TPTE: variants seen among roughly 807,000 people sequenced by gnomAD.
The protein encoded by TPTE is putative tyrosine-protein phosphatase TPTE.
In TPTE, 59 loss-of-function variants were observed where a neutral mutation model predicts 84.1. The observed-to-expected ratio is 0.70, with a 90% CI of 0.57 to 0.87. The LOEUF is 0.87. Ranked by LOEUF, TPTE falls within the 40% of genes least tolerant of loss-of-function variation. The pLI is 0.00. For missense variants in TPTE, 382 were observed against 659.6 expected (o/e 0.58, Z 4.61); for synonymous variants, 130 against 223.5 (o/e 0.58, Z 3.73).
chr21:10,572,450 CAAAAAAA>C (rs58796102), intron 14 of TPTE, among the ~76,000 whole-genome samples: 3,674 of 131,842 alleles, frequency 0.028, no homozygotes, highest in African/African-American at 0.088. Context: ...AGACTGTATC[CAAAAAAA>C]AAAAAAAAAA....
intron 2 of TPTE, among the ~76,000 whole-genome samples, chr21:10,525,118 C>T (rs2074055745): frequency 6.6e-6 from 1 of 152,304 alleles, no homozygotes; most frequent in Non-Finnish European, 1.5e-5. Flanking sequence ...GAGATGGCCA[C>T]CAAAAGGGCT....
intron 17 of TPTE, among the ~76,000 whole-genome samples, chr21:10,585,792 A>G (rs2075353311): frequency 6.6e-6 from 1 of 152,296 alleles, no homozygotes; most frequent in Non-Finnish European, 1.5e-5. Flanking sequence ...TTATAATTTT[A>G]TTTCTTTTGC....
intron 20 of TPTE, 116 bp downstream of exon 20, chr21:10,596,203 C>G: frequency 7.3e-7 from 1 of 1,371,328 alleles, no homozygotes; most frequent in Non-Finnish European, 1.0e-6. Flanking sequence ...TGTCTTTTTA[C>G]ATATCCTCAC....
intron 3 of TPTE, among the ~76,000 whole-genome samples, chr21:10,537,885 A>T (rs1848997772): frequency 6.6e-6 from 1 of 152,294 alleles, no homozygotes; most frequent in Non-Finnish European, 1.5e-5. Flanking sequence ...AAAAACAAAA[A>T]ACTTTGACAC....
chr21:10,548,501 G>A (rs1173004081), intron 7 of TPTE, among the ~76,000 whole-genome samples: 11 of 152,418 alleles, frequency 7.2e-5, no homozygotes, highest in East Asian at 3.9e-4. Context: ...TAGTCCCCAG[G>A]GCTTCCCCTG....
At chr21:10,562,015 A>C (rs2074815606) in intron 10 of TPTE, among the ~76,000 whole-genome samples, 1 of 152,298 alleles carries the variant, frequency 6.6e-6, no homozygotes, top group South Asian at 2.1e-4. Flanking sequence ...ACTCAACCCC[A>C]AGCTTTAGGT....
intron 3 of TPTE, among the ~76,000 whole-genome samples, chr21:10,532,995 C>T (rs1344393422): frequency 6.6e-6 from 1 of 152,304 alleles, no homozygotes; most frequent in African/African-American, 2.4e-5. Flanking sequence ...TATATTTCTT[C>T]TTTCTTGAAT....
At chr21:10,582,856 C>T (rs1173435495) in intron 17 of TPTE, among the ~76,000 whole-genome samples, 12 of 152,290 alleles carry the variant, frequency 7.9e-5, no homozygotes, top group Non-Finnish European at 1.5e-4. Context: ...GCCTGTGCCT[C>T]CAGAGTAGCT....
At chr21:10,568,898 C>G (rs1600919390) in intron 11 of TPTE, among the ~76,000 whole-genome samples, 2 of 152,428 alleles carry the variant, frequency 1.3e-5, no homozygotes, top group Non-Finnish European at 2.9e-5. Flanking sequence ...AGGGGAGATT[C>G]CAGCTAGCAC....
chr21:10,605,601 C>A lies in TPTE; in HGVS notation c.*49C>A, dbSNP rs760943813. ...GGGAAAGAATTATGTTCTTTCCAAC[C>A]CTGCCACATGTTCATATATCCTAAA... is the stretch of plus-strand genomic sequence containing the variant. On this transcript the variant is annotated 3_prime_UTR_variant, in exon 24 of 24. Coordinates refer to ENST00000618007, the MANE Select transcript of TPTE (RefSeq NM_199261.4). 6.2e-7 allele frequency: 1 copy of A among 1,613,372 alleles called. No homozygotes were observed. The highest frequency in any genetic ancestry group is 8.5e-7 in the Non-Finnish European group (1 of 1,179,662).
chr21:10,603,209 T>C (rs1166950040), intron 22 of TPTE, among the ~76,000 whole-genome samples: 2 of 152,310 alleles, frequency 1.3e-5, no homozygotes, highest in East Asian at 1.9e-4. Flanking sequence ...ACAAAAAAAT[T>C]ACAAGAATTC....
intron 3 of TPTE, among the ~76,000 whole-genome samples, chr21:10,528,425 T>C (rs2074118896): frequency 1.3e-5 from 2 of 152,306 alleles, no homozygotes; most frequent in Admixed American, 6.5e-5. Context: ...AAATTCTTTC[T>C]AAAAAGTTGG....
intron 1 of TPTE, among the ~76,000 whole-genome samples, chr21:10,523,698 T>C: frequency 6.6e-6 from 1 of 152,306 alleles, no homozygotes; most frequent in East Asian, 1.9e-4. Context: ...AGTCTATCAT[T>C]GTTGGACATT....
intron 3 of TPTE, among the ~76,000 whole-genome samples, chr21:10,533,027 A>C (rs1171858701): frequency 1.3e-5 from 2 of 152,306 alleles, no homozygotes; most frequent in African/African-American, 4.8e-5. Context: ...TATCATCATA[A>C]ATTTTCACAT....
At chr21:10,526,308 C>G (rs1265369463) in intron 2 of TPTE, among the ~76,000 whole-genome samples, 3 of 152,418 alleles carry the variant, frequency 2.0e-5, no homozygotes, top group South Asian at 4.1e-4. Context: ...TCCTCACAGG[C>G]TGAAAGACTA....
chr21:10,576,841 AT>A (rs2075163189), intron 14 of TPTE, among the ~76,000 whole-genome samples: 2 of 330 alleles, frequency 6.1e-3, no homozygotes. Flanking sequence ...ATATATACAT[AT>A]ATATATATAT....
In TPTE at chr21:10,542,455, A is replaced by G. The variant is rs530500139; in HGVS notation, c.119+7A>G. Reference sequence around the variant, plus strand: ...AGGCACCTGCGAAAGAAAGGTGAGCAATAAATAGTTAAAGTCACCCGTCAG... The same window carrying G: ...AGGCACCTGCGAAAGAAAGGTGAGCGATAAATAGTTAAAGTCACCCGTCAG... On this transcript the variant is annotated splice_region_variant and intron_variant, in intron 6 of 23. Transcript: ENST00000618007. 7 of 1,610,532 alleles carry G rather than the reference A, an allele frequency of 4.3e-6. No individual in the cohort carries two copies. The East Asian group carries it at 6.7e-5, about 15-fold the overall frequency.
intron 19 of TPTE, 88 bp downstream of exon 19, chr21:10,592,461 CCTT>C: frequency 6.5e-7 from 1 of 1,530,720 alleles, no homozygotes; most frequent in Non-Finnish European, 9.0e-7. Flanking sequence ...AGACTCCTCT[CCTT>C]TGGTGATCAG....
At chr21:10,574,531 G>A (rs1293294791) in intron 14 of TPTE, among the ~76,000 whole-genome samples, 1 of 152,310 alleles carries the variant, frequency 6.6e-6, no homozygotes, top group Non-Finnish European at 1.5e-5. Context: ...GCTGCAGTCT[G>A]CCGCGCTCAC....
Sources: allele counts gnomAD v4.1 joint callset (sites outside exome capture counted in the v4.1 genomes callset), GRCh38; gene constraint gnomAD v4.1.1; transcripts MANE v1.5; gene names NCBI Gene and HGNC (gene_info 2026-07-23, HGNC 2026-07-21).